Variants in WDR45B observed in about 807,000 individuals in gnomAD.
WDR45B encodes the protein WD repeat domain 45B, also known as WD repeat domain phosphoinositide-interacting protein 3.
In WDR45B, 20 loss-of-function variants were observed where a neutral mutation model predicts 44.6. The observed-to-expected ratio is 0.45, with a 90% CI of 0.32 to 0.65. WDR45B has a LOEUF of 0.65. Among genes scored for constraint, WDR45B ranks in the 30% least tolerant of loss-of-function variants. The pLI, the probability that WDR45B is intolerant of heterozygous loss-of-function variation, is 0.05. For synonymous variants in WDR45B, 169 were observed against 164.9 expected (o/e 1.02, Z -0.19); for missense variants, 323 against 430.2 (o/e 0.75, Z 2.20).
chr17:82,631,277 ATTTTTT>A (rs386386786), intron 2 of WDR45B, among the ~76,000 whole-genome samples: 1 of 86,822 alleles, frequency 1.2e-5, no homozygotes, highest in Non-Finnish European at 2.1e-5. Flanking sequence ...TACAGGACTC[ATTTTTT>A]TTTTTTTTTT....
intron 2 of WDR45B, 57 bp from the exon 3 acceptor site, chr17:82,631,079 TAAAAA>T: frequency 1.3e-6 from 2 of 1,538,118 alleles, no homozygotes; most frequent in Non-Finnish European, 1.8e-6. Context: ...TATTTTACAA[TAAAAA>T]AGAAAAGAGA....
intron 2 of WDR45B, among the ~76,000 whole-genome samples, chr17:82,631,277 A>AT (rs386386786): frequency 0.023 from 1,957 of 86,736 alleles, 35 homozygotes; most frequent in African/African-American, 0.026. Context: ...TACAGGACTC[A>AT]TTTTTTTTTT....
At chr17:82,643,191 T>C (rs2045937934) in intron 2 of WDR45B, among the ~76,000 whole-genome samples, 1 of 152,102 alleles carries the variant, frequency 6.6e-6, no homozygotes. Context: ...TCCCAGCACT[T>C]TGAGAGGCCG....
In WDR45B at chr17:82,614,591, C is replaced by T. The variant is rs2045505736; in HGVS notation, c.*1328G>A. 1 of 152,624 alleles carries T rather than the reference C, an allele frequency of 6.6e-6. No homozygotes were observed. Among genetic ancestry groups the T allele is most frequent in the Non-Finnish European group, 1.5e-5 (1 of 68,050 alleles). The allele number at this position is 152,624 out of a possible 1,614,324, so 9.5% of individuals were successfully genotyped here. ...AGGTCCAGACTACAACAAAATTAGTCACTTTTATTTAAAAGAAACATTACA... is the reference window on the plus strand; with the variant it reads ...AGGTCCAGACTACAACAAAATTAGTTACTTTTATTTAAAAGAAACATTACA... On this transcript the variant is annotated 3_prime_UTR_variant, in exon 10 of 10. Transcript: ENST00000392325.
rs76260584 is a variant in WDR45B at position 82,644,032 on chromosome 17, G to A, written c.68-9C>T. ...CCCACACGCAAAGCATCCTAAAGCA[G>A]AAGTGTAAAAGAGACATTAATCCCC... On this transcript the variant is annotated splice_polypyrimidine_tract_variant and intron_variant, in intron 1 of 9. Coordinates refer to ENST00000392325, the MANE Select transcript of WDR45B (RefSeq NM_019613.4). 1,138 of 1,613,986 alleles carry A rather than the reference G, an allele frequency of 7.1e-4. 11 individuals carry two copies. The African/African-American group carries it at 0.012, about 18-fold the overall frequency.
At chr17:82,638,325 G>A (rs2045866945) in intron 2 of WDR45B, among the ~76,000 whole-genome samples, 1 of 147,560 alleles carries the variant, frequency 6.8e-6, no homozygotes. Context: ...AGGTGGGGTG[G>A]TGGTGGGGAG....
At chr17:82,638,221 G>A (rs2045862650) in intron 2 of WDR45B, among the ~76,000 whole-genome samples, 1 of 9,470 alleles carries the variant, frequency 1.1e-4, no homozygotes, top group Non-Finnish European at 1.9e-4. Flanking sequence ...GAAAGGGAGG[G>A]GAGGGGAGAG....
chr17:82,636,260 C>CAAAAAAAA (rs71168123), intron 2 of WDR45B, among the ~76,000 whole-genome samples: 2 of 104,590 alleles, frequency 1.9e-5, no homozygotes, highest in African/African-American at 3.7e-5. Flanking sequence ...GACTCCGTCT[C>CAAAAAAAA]AAAAAAAAAA....
At chr17:82,647,093 G>C (rs2045987786) in intron 1 of WDR45B, among the ~76,000 whole-genome samples, 1 of 152,202 alleles carries the variant, frequency 6.6e-6, no homozygotes, top group African/African-American at 2.4e-5. Flanking sequence ...GCCGGGCGTG[G>C]AGGCAGGCGC....
At chr17:82,642,662 C>G (rs912033189) in intron 2 of WDR45B, among the ~76,000 whole-genome samples, 3 of 152,290 alleles carry the variant, frequency 2.0e-5, no homozygotes, top group African/African-American at 7.2e-5. Context: ...CTGACTCTAT[C>G]TCTAGGTAGA....
chr17:82,616,830 T>C (rs887053624), intron 8 of WDR45B, among the ~76,000 whole-genome samples, 185 bp from the exon 9 acceptor site: 1 of 152,182 alleles, frequency 6.6e-6, no homozygotes, highest in Non-Finnish European at 1.5e-5. Context: ...AAAAATTTTT[T>C]TTTTTGAGAC....
At chr17:82,645,477 G>A (rs1050427286) in intron 1 of WDR45B, among the ~76,000 whole-genome samples, 2 of 152,114 alleles carry the variant, frequency 1.3e-5, no homozygotes, top group Admixed American at 6.6e-5. Flanking sequence ...ACAACAGAGA[G>A]ATGTACACAG....
At chr17:82,634,150 C>CAAAAAAAAA (rs36183298) in intron 2 of WDR45B, among the ~76,000 whole-genome samples, 1,255 of 31,914 alleles carry the variant, frequency 0.039, 94 homozygotes, top group Non-Finnish European at 0.045. Flanking sequence ...GACTCCATCT[C>CAAAAAAAAA]AAAAAAAAAA....
At chr17:82,617,442 G>A (rs959498560) in intron 7 of WDR45B, 45 bp from the exon 8 acceptor site, 8 of 1,589,402 alleles carry the variant, frequency 5.0e-6, no homozygotes, top group Non-Finnish European at 6.9e-6. Context: ...TGGATGTGGA[G>A]GAGTCCAGAG....
At position 82,634,754 on chromosome 17, in the gene WDR45B, A is replaced by G. The variant is rs1034964901; in HGVS notation, c.143-3732T>C. On this transcript the variant is annotated intron_variant, in intron 2 of 9. Transcript: ENST00000392325. Reference sequence around the variant, plus strand: ...ATTTCTCATTTATGATTTTGTCAAGATAAGGTCTCACTATGTTGCCCAGAC... The same window carrying G: ...ATTTCTCATTTATGATTTTGTCAAGGTAAGGTCTCACTATGTTGCCCAGAC... Among the ~76,000 whole-genome samples, 16 of 152,006 alleles carry G rather than the reference A, an allele frequency of 1.1e-4. 2 individuals are homozygous for G. The highest frequency in any genetic ancestry group is 3.6e-4 in the African/African-American group (15 of 41,278).
chr17:82,619,513 G>C (rs943105520), intron 6 of WDR45B, among the ~76,000 whole-genome samples: 1 of 150,634 alleles, frequency 6.6e-6, no homozygotes, highest in Non-Finnish European at 1.5e-5. Context: ...AAGTCCCTCA[G>C]ATAGCTAGGA....
At chr17:82,648,167 G>C (rs1306759422) in intron 1 of WDR45B, 107 bp downstream of exon 1, 7 of 1,322,580 alleles carry the variant, frequency 5.3e-6, no homozygotes, top group Non-Finnish European at 7.1e-6. Context: ...GGGGTCCCGG[G>C]TGGAAGGCCT....
intron 2 of WDR45B, among the ~76,000 whole-genome samples, chr17:82,640,825 C>G (rs2045904828): frequency 6.6e-6 from 1 of 152,198 alleles, no homozygotes; most frequent in Non-Finnish European, 1.5e-5. Context: ...TGAGAACTCA[C>G]TGCATGCTAA....
intron 5 of WDR45B, among the ~76,000 whole-genome samples, chr17:82,624,705 A>G (rs1343263065): frequency 3.1e-5 from 4 of 129,476 alleles, no homozygotes; most frequent in African/African-American, 8.8e-5. Context: ...TGCGACCTCT[A>G]CCTCCTGGGT....
Sources: allele counts gnomAD v4.1 joint callset (sites outside exome capture counted in the v4.1 genomes callset), GRCh38; gene constraint gnomAD v4.1.1; transcripts MANE v1.5; gene names NCBI Gene and HGNC (gene_info 2026-07-23, HGNC 2026-07-21).